Variants in BTBD2 observed in about 807,000 individuals in gnomAD.
The protein encoded by BTBD2 is BTB/POZ domain-containing protein 2.
BTBD2 carries 15 observed loss-of-function variants against 44.0 expected under a neutral mutation model. The observed-to-expected ratio is 0.34, with a 90% CI of 0.23 to 0.53. The LOEUF (loss-of-function observed/expected upper bound fraction) is 0.53. Among genes scored for constraint, BTBD2 ranks in the 20% least tolerant of loss-of-function variants. BTBD2 has a pLI of 0.95. For synonymous variants in BTBD2, 443 were observed against 335.9 expected (o/e 1.32, Z -3.49); for missense variants, 657 against 746.4 (o/e 0.88, Z 1.39).
rs1447756909 is a variant in BTBD2, at chr19:2,015,527, C to G, written c.177G>C (p.Pro59=). The part of the protein sequence containing the change: ...AAAAAAPGPT[P]PAPPGPGTDA... Reference sequence around the variant, plus strand: ...CTGTCCCGGGGCCCGGCGGGGCGGGCGGCGTCGGCCCAGGGGCGGCGGCGG... The same window carrying G: ...CTGTCCCGGGGCCCGGCGGGGCGGGGGGCGTCGGCCCAGGGGCGGCGGCGG... Residue 59 remains proline (P), a synonymous_variant, in exon 1 of 9, where the codon CCG becomes CCC. Coordinates refer to ENST00000255608, the MANE Select transcript of BTBD2 (RefSeq NM_017797.4). 217 of 958,986 alleles carry G rather than the reference C, an allele frequency of 2.3e-4. No individual in the cohort carries two copies. Among genetic ancestry groups the G allele is most frequent in the Non-Finnish European group, 2.6e-4 (215 of 821,642 alleles). 59.4% of individuals were successfully genotyped at this position (958,986 alleles called of 1,614,324 possible).
intron 5 of BTBD2, 82 bp downstream of exon 5, chr19:1,989,921 CG>C: frequency 6.7e-7 from 1 of 1,490,084 alleles, no homozygotes. Context: ...GCAGTGAACT[CG>C]GGGGCACTAT....
intron 1 of BTBD2, 24 bp downstream of exon 1, chr19:2,015,273 G>A (rs1339457497): frequency 6.5e-7 from 1 of 1,533,896 alleles, no homozygotes; most frequent in Non-Finnish European, 8.7e-7. Flanking sequence ...TCGGGGCCAG[G>A]GCTGGCGGGG....
chr19:2,007,036 T>G (rs2016403964), intron 1 of BTBD2, among the ~76,000 whole-genome samples: 1 of 152,060 alleles, frequency 6.6e-6, no homozygotes, highest in Non-Finnish European at 1.5e-5. Flanking sequence ...TTTTGTATAT[T>G]TAGTAGAGAT....
In BTBD2 at chr19:1,986,486, G is replaced by C. The variant is rs757400941; in HGVS notation, c.*2C>G. On this transcript the variant is annotated 3_prime_UTR_variant, in exon 9 of 9. Coordinates refer to ENST00000255608, the MANE Select transcript of BTBD2 (RefSeq NM_017797.4). ...GGGAGGGCGGTGTCGGTGTCGGGCA[G>C]CCTAGGTGTAGAAGATGACCTCGGG... 3 of 1,613,406 alleles carry C rather than the reference G, an allele frequency of 1.9e-6. No homozygotes were observed. The South Asian group carries it at 3.3e-5, about 18-fold the overall frequency.
At position 1,996,098 on chromosome 19, in the gene BTBD2, AATTAT is replaced by A. The variant is rs2016248065; in HGVS notation, c.527+1241_527+1245del. On this transcript the variant is annotated intron_variant, in intron 2 of 8. Coordinates refer to ENST00000255608, the MANE Select transcript of BTBD2 (RefSeq NM_017797.4). ...GAATGGCCTTGGCACCCTTGCAAAA[AATTAT>A]TTAACCCTATGTGCAAAGGTATTTA... Among the ~76,000 whole-genome samples the A allele has an allele frequency of 1.3e-5, 2 of 152,150 alleles. 1 individual carries two copies. The highest frequency in any genetic ancestry group is 2.9e-5 in the Non-Finnish European group (2 of 68,036).
chr19:1,987,669 C>A lies in BTBD2; in HGVS notation c.1012G>T (p.Val338Leu), dbSNP rs1223977918. 2 of 1,606,666 alleles carry A rather than the reference C, an allele frequency of 1.2e-6. No individual in the cohort carries two copies. The highest frequency in any genetic ancestry group is 2.7e-5 in the African/African-American group (2 of 74,844). The change falls in exon 6 of 9, where the codon GTG becomes TTG. Residue 338 changes from valine to leucine, a missense_variant. By Grantham distance (32) the Val-to-Leu change is conservative (BLOSUM62 1). Around this residue, in one of 3 missense-constraint regions of BTBD2, gnomAD observed 449 missense variants for 510.9 expected, o/e 0.88. Transcript: ENST00000255608. ...AAGAGGCTGACCACCTCGCGGTCCA[C>A]CAGGATGCCCGACTGTGCGGGACCT... ...AAGPAQSGIL[V>L]DREVVSLFLH...
At chr19:1,990,689 T>G in intron 4 of BTBD2, 28 bp downstream of exon 4, 5 of 1,565,308 alleles carry the variant, frequency 3.2e-6, no homozygotes, top group Non-Finnish European at 4.3e-6. Flanking sequence ...CCGCTGGGAT[T>G]CCCACACCTG....
Position 1,998,825 on chromosome 19 carries a change from C to A in BTBD2, c.408-1362G>T, listed in dbSNP as rs76493645. Among the ~76,000 whole-genome samples, 491 of 152,150 alleles carry A rather than the reference C, an allele frequency of 3.2e-3. 23 individuals carry two copies. In the East Asian group the frequency reaches 0.083, roughly 26 times the overall value. On this transcript the variant is annotated intron_variant, in intron 1 of 8. Coordinates refer to ENST00000255608, the MANE Select transcript of BTBD2 (RefSeq NM_017797.4). ...GACGCTGGTGGGGCGGGTTCACAGA[C>A]GCTCGCGAAGTGGGATCACAGACGC...
intron 3 of BTBD2, among the ~76,000 whole-genome samples, chr19:1,992,420 T>C (rs2016192156): frequency 1.3e-5 from 2 of 151,922 alleles, no homozygotes; most frequent in Non-Finnish European, 2.9e-5. Flanking sequence ...TTTAATTTTT[T>C]GTAGAAACGG....
chr19:1,999,172 C>T (rs1300131945), intron 1 of BTBD2, among the ~76,000 whole-genome samples: 3 of 152,186 alleles, frequency 2.0e-5, no homozygotes, highest in Admixed American at 2.0e-4. Context: ...CCCACCCGGT[C>T]CAGCCCAGGG....
chr19:1,999,808 A>G (rs1284070091), intron 1 of BTBD2, among the ~76,000 whole-genome samples: 9 of 151,298 alleles, frequency 5.9e-5, no homozygotes, highest in Non-Finnish European at 1.3e-4. Context: ...CTAAAAATAC[A>G]AAAATTAGCT....
rs1166421949 is a variant in BTBD2, at chr19:1,986,578, C to T, written c.1488G>A (p.Lys496=). 6.2e-7 allele frequency: 1 copy of T among 1,614,074 alleles called. No homozygotes were observed. The highest frequency in any genetic ancestry group is 2.2e-5 in the East Asian group (1 of 44,884). The change falls in exon 9 of 9, where the codon AAG becomes AAA. Residue 496 remains lysine, a synonymous_variant. Coordinates refer to ENST00000255608, the MANE Select transcript of BTBD2 (RefSeq NM_017797.4). ...VTHESPTTGA[K]TCFTFCYAAG... The stretch of plus-strand genomic sequence containing the variant: ...CCGCGTAGCAAAAGGTGAAGCAGGT[C>T]TTGGCGCCCGTGGTGGGCGACTCGT...
chr19:2,000,738 T>C (rs2016318885), intron 1 of BTBD2, among the ~76,000 whole-genome samples: 1 of 151,502 alleles, frequency 6.6e-6, no homozygotes. Context: ...CAAAAACACA[T>C]CCACAATTGC....
Position 1,990,832 on chromosome 19 carries a change from G to A in BTBD2, c.685-10C>T, listed in dbSNP as rs1279055658. 1 of 1,549,736 alleles carries A rather than the reference G, an allele frequency of 6.5e-7. No homozygotes were observed. Among genetic ancestry groups the A allele is most frequent in the East Asian group, 2.4e-5 (1 of 41,124 alleles). ...CATCGAAGAGTCGCGCCTGGCAAGAGACATCGACGGGGGGCGCGGTGGGGA... is the reference window on the plus strand; with the variant it reads ...CATCGAAGAGTCGCGCCTGGCAAGAAACATCGACGGGGGGCGCGGTGGGGA... On this transcript the variant is annotated splice_polypyrimidine_tract_variant and intron_variant, in intron 3 of 8. Transcript: ENST00000255608.
intron 1 of BTBD2, chr19:2,013,719 C>T: frequency 2.0e-6 from 2 of 977,378 alleles, no homozygotes; most frequent in Non-Finnish European, 2.4e-6. Flanking sequence ...GGGGGTATCC[C>T]TGGAGGGGAG....
At position 1,993,954 on chromosome 19, in the gene BTBD2, G is replaced by C. The variant is rs530789298; in HGVS notation, c.528-778C>G. Among the ~76,000 whole-genome samples the C allele has an allele frequency of 8.7e-5, 10 of 115,176 alleles. No homozygotes were observed. In the East Asian group the frequency reaches 1.5e-3, roughly 17 times the overall value. The allele number at this position is 115,176 out of a possible 152,430, so 75.6% of individuals were successfully genotyped here. On this transcript the variant is annotated intron_variant, in intron 2 of 8. Coordinates refer to ENST00000255608, the MANE Select transcript of BTBD2 (RefSeq NM_017797.4). ...AGATGTTGCAGTGAGCTGAGATCTC[G>C]CCACTGCACTCCAGCCTGGAGACAG... is the stretch of plus-strand genomic sequence containing the variant.
rs1462312583 is a variant in BTBD2 at position 2,015,688 on chromosome 19, TC to T, written c.15del (p.Ser6AlafsTer185). On this transcript the variant is annotated frameshift_variant, in exon 1 of 9. Coordinates refer to ENST00000255608, the MANE Select transcript of BTBD2 (RefSeq NM_017797.4). LOFTEE classifies it high-confidence loss of function. ...GGCGGGCACGACGCACGCCCGCCGC[TC>T]CCACCCGCCGCCATTTTGTGGCTGC... MAAG[G>X]SGGRASCPPG... is the part of the protein sequence containing the mutation. The T allele has an allele frequency of 1.0e-6, 1 of 957,942 alleles. No homozygotes were observed. Among genetic ancestry groups the T allele is most frequent in the Non-Finnish European group, 1.2e-6 (1 of 821,234 alleles). 59.3% of individuals were successfully genotyped at this position (957,942 alleles called of 1,614,324 possible).
intron 1 of BTBD2, among the ~76,000 whole-genome samples, chr19:2,009,526 A>G (rs902564400): frequency 6.6e-6 from 1 of 150,396 alleles, no homozygotes; most frequent in Non-Finnish European, 1.5e-5. Context: ...ACCTCGCTAC[A>G]ATGCTGACAG....
intron 1 of BTBD2, among the ~76,000 whole-genome samples, chr19:2,001,009 C>T (rs2016322920): frequency 6.6e-6 from 1 of 152,218 alleles, no homozygotes; most frequent in South Asian, 2.1e-4. Context: ...GGGGGACGGG[C>T]ACAGTGGCTC....
Sources: allele counts gnomAD v4.1 joint callset (sites outside exome capture counted in the v4.1 genomes callset), GRCh38; gene constraint gnomAD v4.1.1; regional missense constraint gnomAD v4.1.1; transcripts MANE v1.5; gene names NCBI Gene and HGNC (gene_info 2026-07-23, HGNC 2026-07-21).